SPRED1: variants seen among roughly 807,000 people sequenced by gnomAD.
SPRED1 encodes the protein sprouty-related, EVH1 domain-containing protein 1.
In SPRED1, 18 loss-of-function variants were observed where a neutral mutation model predicts 52.3. That is an observed-to-expected ratio of 0.34 (90% CI 0.24 to 0.51). The LOEUF (loss-of-function observed/expected upper bound fraction) is 0.51. SPRED1 is among the 20% of genes least tolerant of loss of function. The pLI is 0.97. For synonymous variants in SPRED1, 155 were observed against 179.7 expected (o/e 0.86, Z 1.10); for missense variants, 485 against 551.0 (o/e 0.88, Z 1.20).
intron 1 of SPRED1, among the ~76,000 whole-genome samples, chr15:38,255,930 AAC>A (rs1401001693): frequency 2.6e-5 from 4 of 152,166 alleles, no homozygotes; most frequent in African/African-American, 9.7e-5. Context: ...GGAAACCATT[AAC>A]CCTTTCTAGA....
chr15:38,294,523 T>G (rs890043107), intron 1 of SPRED1, among the ~76,000 whole-genome samples: 1 of 152,168 alleles, frequency 6.6e-6, no homozygotes, highest in African/African-American at 2.4e-5. Context: ...CAACAGAAAT[T>G]TATTATATTT....
At position 38,300,375 on chromosome 15, in the gene SPRED1, A is replaced by G. The variant is rs78325900; in HGVS notation, c.207+828A>G. Among the ~76,000 whole-genome samples the G allele has an allele frequency of 3.0e-3, 452 of 152,300 alleles. 7 individuals are homozygous for G. The East Asian group carries it at 0.031, about 10-fold the overall frequency. On this transcript the variant is annotated intron_variant, in intron 2 of 6. Transcript: ENST00000299084. ...AATAAAGTCCCAAAATAGAGCCTTG[A>G]AAATAACGAGAATTCCCTTTAAATA...
chr15:38,346,332 C>T (rs966989015), intron 5 of SPRED1, among the ~76,000 whole-genome samples: 1 of 151,350 alleles, frequency 6.6e-6, no homozygotes, highest in African/African-American at 2.4e-5. Context: ...AAAAAATCCT[C>T]TGGATGGATA....
chr15:38,283,554 T>G, intron 1 of SPRED1: 2 of 961,228 alleles, frequency 2.1e-6, no homozygotes, highest in Non-Finnish European at 2.5e-6. Flanking sequence ...GAGCTTATAT[T>G]TAGACATAGA....
At chr15:38,336,416 G>A (rs61068687) in intron 4 of SPRED1, among the ~76,000 whole-genome samples, 1 of 24,918 alleles carries the variant, frequency 4.0e-5, no homozygotes, top group Non-Finnish European at 1.1e-4. Context: ...GTATGTGTAT[G>A]TGTGTGTATA....
chr15:38,273,519 TAATATATATA>T (rs1197005971), intron 1 of SPRED1, among the ~76,000 whole-genome samples: 15 of 113,008 alleles, frequency 1.3e-4, no homozygotes, highest in African/African-American at 4.4e-4. Context: ...TATGTATTAT[TAATATATATA>T]TATATATATA....
At chr15:38,318,080 A>T (rs1315393767) in intron 2 of SPRED1, among the ~76,000 whole-genome samples, 2 of 152,098 alleles carry the variant, frequency 1.3e-5, no homozygotes, top group African/African-American at 4.8e-5. Flanking sequence ...ATATCCTAAA[A>T]ATTATCTACA....
At chr15:38,346,835 AC>A (rs1454763052) in intron 5 of SPRED1, among the ~76,000 whole-genome samples, 1 of 152,216 alleles carries the variant, frequency 6.6e-6, no homozygotes, top group African/African-American at 2.4e-5. Flanking sequence ...GATGTGTACC[AC>A]CTACAGGGGA....
intron 5 of SPRED1, among the ~76,000 whole-genome samples, chr15:38,345,361 T>C (rs1023368003): frequency 5.3e-5 from 8 of 152,212 alleles, no homozygotes; most frequent in Non-Finnish European, 1.0e-4. Flanking sequence ...TTGGTGAGTG[T>C]AAATGCTCGA....
chr15:38,333,147 T>G (rs11629618), intron 4 of SPRED1, among the ~76,000 whole-genome samples: 125,327 of 152,132 alleles, frequency 0.82, 52,420 homozygotes, highest in Non-Finnish European at 0.9. Context: ...AAAACGTAAG[T>G]AAAAGAGTAC....
At chr15:38,293,682 T>C (rs1386878427) in intron 1 of SPRED1, among the ~76,000 whole-genome samples, 3 of 152,180 alleles carry the variant, frequency 2.0e-5, no homozygotes, top group African/African-American at 7.2e-5. Context: ...TGTGGTCTCT[T>C]TATCGTGATA....
intron 4 of SPRED1, among the ~76,000 whole-genome samples, chr15:38,327,090 C>T (rs1050083377): frequency 3.3e-5 from 5 of 152,136 alleles, no homozygotes; most frequent in East Asian, 1.9e-4. Context: ...GTTCCAGAAA[C>T]GAGATTGAGA....
At chr15:38,270,112 T>G (rs1460118430) in intron 1 of SPRED1, among the ~76,000 whole-genome samples, 1 of 152,128 alleles carries the variant, frequency 6.6e-6, no homozygotes, top group Non-Finnish European at 1.5e-5. Context: ...TCAACCATGT[T>G]GGCCACGCTG....
At chr15:38,282,524 C>G (rs560114380) in intron 1 of SPRED1, among the ~76,000 whole-genome samples, 22 of 151,328 alleles carry the variant, frequency 1.5e-4, no homozygotes, top group Admixed American at 7.2e-4. Context: ...AAAAAAAATT[C>G]TTATTTCATT....
chr15:38,282,989 C>T (rs193255064), intron 1 of SPRED1, among the ~76,000 whole-genome samples: 20 of 151,932 alleles, frequency 1.3e-4, no homozygotes, highest in Admixed American at 1.0e-3. Flanking sequence ...ACTGGATTGC[C>T]GAACATTTTG....
rs66511254 is a variant in SPRED1 at position 38,293,099 on chromosome 15, C to CTTTT, written c.33-6258_33-6255dup. Among the ~76,000 whole-genome samples, 7 of 90,730 alleles carry CTTTT rather than the reference C, an allele frequency of 7.7e-5. No individual in the cohort carries two copies. In the South Asian group the frequency reaches 1.8e-3, roughly 23 times the overall value. 59.5% of individuals were successfully genotyped at this position (90,730 alleles called of 152,430 possible). ...TTAAGTAATTTACCCAAGATTACAA[C>CTTTT]TTTTTTTTTTTTTTTTTTTGAGACG... On this transcript the variant is annotated intron_variant, in intron 1 of 6. Coordinates refer to ENST00000299084, the MANE Select transcript of SPRED1 (RefSeq NM_152594.3).
chr15:38,253,223 C>CT lies in SPRED1; in HGVS notation c.32+6_32+7insT, dbSNP rs1285474634. 1.9e-6 allele frequency: 3 copies of CT among 1,573,570 alleles called. No homozygotes were observed. The highest frequency in any genetic ancestry group is 2.6e-6 in the Non-Finnish European group (3 of 1,158,222). ...ACGGCGACTTCTGACAACGAGTAAG[C>CT]GCCTCATTGATCTCGATTGCTAATC... On this transcript the variant is annotated splice_region_variant and intron_variant, in intron 1 of 6. Transcript: ENST00000299084.
At chr15:38,281,298 A>G (rs1022337325) in intron 1 of SPRED1, among the ~76,000 whole-genome samples, 5 of 152,226 alleles carry the variant, frequency 3.3e-5, no homozygotes, top group East Asian at 1.9e-4. Context: ...GAGTGAAAAG[A>G]TTGATCATCC....
intron 2 of SPRED1, among the ~76,000 whole-genome samples, chr15:38,310,153 G>GTGTGTGTGTGTGTGT (rs373463622): frequency 3.8e-5 from 5 of 132,252 alleles, no homozygotes; most frequent in African/African-American, 5.7e-5. Flanking sequence ...GTGTGTGTGT[G>GTGTGTGTGTGTGTGT]TTTGGAGACG....
Sources: gnomAD v4.1 joint callset for allele counts (sites outside exome capture counted in the v4.1 genomes callset) on GRCh38, gnomAD v4.1.1 for gene constraint, MANE v1.5 for transcripts, NCBI Gene and HGNC (gene_info 2026-07-23, HGNC 2026-07-21) for gene names.